The following PRKAG2 variants were observed in gnomAD, a reference collection of about 807,000 sequenced individuals.
PRKAG2 encodes 5'-AMP-activated protein kinase subunit gamma-2.
A neutral mutation model predicts 69.6 loss-of-function variants in PRKAG2; 26 were observed. The observed-to-expected ratio is 0.37, with a 90% CI of 0.27 to 0.52. The LOEUF (loss-of-function observed/expected upper bound fraction) is 0.52. PRKAG2 is among the 20% of genes least tolerant of loss of function. The probability of loss-of-function intolerance (pLI) is 0.90; values close to 1 mark genes in which losing one functional copy is unlikely to be tolerated. For synonymous variants in PRKAG2, 293 were observed against 285.0 expected, an observed-to-expected ratio of 1.03 and a Z score of -0.28; for missense variants, 557 against 740.0, an observed-to-expected ratio of 0.75 and a Z score of 2.87.
At chr7:151,843,388 G>A (rs1190368334) in intron 1 of PRKAG2, among the ~76,000 whole-genome samples, 4 of 152,110 alleles carry the variant, frequency 2.6e-5, no homozygotes, top group African/African-American at 7.2e-5. Context: ...TAAGGAATAT[G>A]GTGTTGACAA....
intron 5 of PRKAG2, among the ~76,000 whole-genome samples, chr7:151,612,024 G>A (rs1224819304): frequency 2.6e-5 from 4 of 152,300 alleles, no homozygotes; most frequent in East Asian, 3.9e-4. Context: ...CAGCCTGGAC[G>A]ACACAGTGAG....
chr7:151,817,108 T>C lies in PRKAG2; in HGVS notation c.115-30567A>G, dbSNP rs989710417. On this transcript the variant is annotated intron_variant, in intron 1 of 15. Coordinates refer to ENST00000287878, the MANE Select transcript of PRKAG2 (RefSeq NM_016203.4). ...AGCACGGTCACTGTCTTCACCTGCA[T>C]TTCTCCTCGCTTCCAGAACCTCCAC... 3.3e-5 allele frequency among the ~76,000 whole-genome samples: 5 copies of C among 152,162 alleles called. 1 individual carries two copies. Among genetic ancestry groups the C allele is most frequent in the Non-Finnish European group, 7.4e-5 (5 of 68,022 alleles).
At chr7:151,830,079 G>A (rs542289032) in intron 1 of PRKAG2, among the ~76,000 whole-genome samples, 1 of 151,298 alleles carries the variant, frequency 6.6e-6, no homozygotes, top group Admixed American at 6.6e-5. Flanking sequence ...AAATGGGATG[G>A]AATGGCTTCT....
At chr7:151,729,451 G>A (rs1336302712) in intron 3 of PRKAG2, among the ~76,000 whole-genome samples, 2 of 152,038 alleles carry the variant, frequency 1.3e-5, no homozygotes, top group Non-Finnish European at 2.9e-5. Context: ...GAGGGGTTGG[G>A]GGAGGGACAG....
intron 4 of PRKAG2, among the ~76,000 whole-genome samples, chr7:151,667,993 G>C (rs1179628213): frequency 1.3e-5 from 2 of 152,222 alleles, no homozygotes; most frequent in Non-Finnish European, 2.9e-5. Context: ...CTATGGTTTG[G>C]ATGTGGTTTG....
chr7:151,804,949 A>C (rs920402435), intron 1 of PRKAG2, among the ~76,000 whole-genome samples: 2 of 152,150 alleles, frequency 1.3e-5, no homozygotes, highest in African/African-American at 4.8e-5. Flanking sequence ...GCTCACTGTC[A>C]AAGTCTGAAA....
chr7:151,662,188 A>G (rs1261570342), intron 4 of PRKAG2, among the ~76,000 whole-genome samples: 1 of 152,212 alleles, frequency 6.6e-6, no homozygotes, highest in Non-Finnish European at 1.5e-5. Flanking sequence ...GACTTAAGGC[A>G]TGGGAAATAA....
chr7:151,787,660 G>C (rs748898697), intron 1 of PRKAG2, among the ~76,000 whole-genome samples: 70 of 152,158 alleles, frequency 4.6e-4, no homozygotes, highest in South Asian at 6.2e-4. Flanking sequence ...GCTGCTATGA[G>C]TGTTATGGTA....
rs926197640 is a variant in PRKAG2, at chr7:151,780,210, C to T, written c.466+942G>A. On this transcript the variant is annotated intron_variant, in intron 3 of 15. Transcript: ENST00000287878. This position sits in a 1 kb window ranked among gnomAD's most constrained non-coding sequence, Gnocchi z 4.2. Reference sequence around the variant, plus strand: ...GACAGAGACCTGGCTTCTCGTCCTACAGCCACTGCTGCCTGATGGAAGAGT... The same window carrying T: ...GACAGAGACCTGGCTTCTCGTCCTATAGCCACTGCTGCCTGATGGAAGAGT... 6.6e-6 allele frequency among the ~76,000 whole-genome samples: 1 copy of T among 152,264 alleles called. No homozygotes were observed. The highest frequency in any genetic ancestry group is 1.5e-5 in the Non-Finnish European group (1 of 68,048).
intron 3 of PRKAG2, among the ~76,000 whole-genome samples, chr7:151,728,157 G>A (rs964019449): frequency 8.5e-5 from 13 of 152,100 alleles, no homozygotes; most frequent in Non-Finnish European, 1.6e-4. Flanking sequence ...TGAGACACCC[G>A]GAGGCCAGCA....
At chr7:151,842,166 GATGGTAGGTAGTGATGATGGTAGCA>G (rs2079314852) in intron 1 of PRKAG2, among the ~76,000 whole-genome samples, 1 of 126,512 alleles carries the variant, frequency 7.9e-6, no homozygotes, top group East Asian at 2.8e-4. Flanking sequence ...TGATGGTAGT[GATGGTAGGTAGTGATGATGGTAGCA>G]ATGGTAGGTA....
rs779753891 is a variant in PRKAG2 at position 151,781,223 on chromosome 7, T to C, written c.395A>G (p.Lys132Arg). 1.1e-5 allele frequency: 18 copies of C among 1,613,854 alleles called. No individual in the cohort carries two copies. The highest frequency in any genetic ancestry group is 1.4e-5 in the Non-Finnish European group (16 of 1,180,018). ...AGGGTTGGAGTTGGGGGAAGACTCT[T>C]TGGAGGAGGAGCGGAAGATCCCACT... ...SFSGIFRSSS[K>R]ESSPNSNPAT... The change falls in exon 3 of 16, where the codon AAA (lysine) becomes AGA (arginine). Residue 132 changes from lysine (K) to arginine (R), a missense_variant. Lys to Arg is a conservative substitution (Grantham distance 26, BLOSUM62 2). This residue lies in a region of PRKAG2 where 352 missense variants were observed against 356.7 expected (regional missense o/e 0.99). Transcript: ENST00000287878. This position sits in a 1 kb window ranked among gnomAD's most constrained non-coding sequence, Gnocchi z 6.1.
chr7:151,634,474 T>C (rs1825385798), intron 4 of PRKAG2, among the ~76,000 whole-genome samples: 1 of 152,144 alleles, frequency 6.6e-6, no homozygotes, highest in Non-Finnish European at 1.5e-5. Context: ...AAATTAAGAA[T>C]TTTTGCTCTG....
intron 4 of PRKAG2, among the ~76,000 whole-genome samples, chr7:151,633,379 T>C (rs1425455374): frequency 2.6e-5 from 4 of 152,044 alleles, no homozygotes; most frequent in Non-Finnish European, 5.9e-5. Context: ...TCACTAATCC[T>C]ATTCAACATG....
At chr7:151,579,946 G>C (rs1809940759) in intron 6 of PRKAG2, among the ~76,000 whole-genome samples, 1 of 152,218 alleles carries the variant, frequency 6.6e-6, no homozygotes, top group African/African-American at 2.4e-5. Context: ...ATCTAGGTTA[G>C]AGCATATATC....
At chr7:151,650,174 C>G (rs1362330145) in intron 4 of PRKAG2, among the ~76,000 whole-genome samples, 2 of 152,072 alleles carry the variant, frequency 1.3e-5, no homozygotes, top group Non-Finnish European at 2.9e-5. Context: ...GTGATCACAT[C>G]ACTGCACTCC....
intron 1 of PRKAG2, among the ~76,000 whole-genome samples, chr7:151,794,419 G>A (rs571633210): frequency 1.3e-5 from 2 of 152,372 alleles, no homozygotes; most frequent in South Asian, 2.1e-4. Flanking sequence ...GTAAAAGGAG[G>A]CCATCATCCT....
intron 3 of PRKAG2, among the ~76,000 whole-genome samples, chr7:151,721,272 T>C (rs1161104811): frequency 1.3e-5 from 2 of 152,088 alleles, no homozygotes; most frequent in East Asian, 1.9e-4. Context: ...TCTCTGCATC[T>C]CGAAAATGCC....
chr7:151,842,790 G>A (rs75923839), intron 1 of PRKAG2, among the ~76,000 whole-genome samples: 3,458 of 151,936 alleles, frequency 0.023, 135 homozygotes, highest in African/African-American at 0.078. Flanking sequence ...GTAAGTAGCG[G>A]TGGTAGCATG....
Sources: allele counts gnomAD v4.1 joint callset (sites outside exome capture counted in the v4.1 genomes callset), GRCh38; gene constraint gnomAD v4.1.1; regional missense constraint gnomAD v4.1.1; non-coding constraint Gnocchi (gnomAD v3.1); transcripts MANE v1.5; gene names NCBI Gene and HGNC (gene_info 2026-07-23, HGNC 2026-07-21).